Variants in KCND2 observed in about 807,000 individuals in gnomAD.
KCND2 encodes the protein potassium voltage-gated channel subfamily D member 2.
KCND2 carries 16 observed loss-of-function variants against 54.4 expected under a neutral mutation model. That is an observed-to-expected ratio of 0.29 (90% CI 0.20 to 0.45). The LOEUF is 0.45. Among genes scored for constraint, KCND2 ranks in the 20% least tolerant of loss-of-function variants. KCND2 has a pLI of 1.00. For synonymous variants in KCND2, 317 were observed against 310.7 expected (o/e 1.02, Z -0.21); for missense variants, 486 against 824.2 (o/e 0.59, Z 5.02).
intron 1 of KCND2, among the ~76,000 whole-genome samples, chr7:120,502,426 C>T (rs1802950386): frequency 6.6e-6 from 1 of 152,032 alleles, no homozygotes; most frequent in Admixed American, 6.6e-5. Flanking sequence ...AAGGCTCTAT[C>T]TTCCCTAGGT....
intron 1 of KCND2, among the ~76,000 whole-genome samples, chr7:120,573,976 A>G (rs1409901720): frequency 6.6e-6 from 1 of 152,186 alleles, no homozygotes; most frequent in East Asian, 1.9e-4. Flanking sequence ...ATACATGTAC[A>G]TCATTTTAAC....
intron 1 of KCND2, among the ~76,000 whole-genome samples, chr7:120,602,840 G>A (rs1792831758): frequency 6.6e-6 from 1 of 152,148 alleles, no homozygotes; most frequent in Admixed American, 6.6e-5. Context: ...TAGCAATAAA[G>A]ACTCACATAC....
At chr7:120,659,539 T>A (rs938200277) in intron 1 of KCND2, among the ~76,000 whole-genome samples, 26 of 152,228 alleles carry the variant, frequency 1.7e-4, no homozygotes, top group Non-Finnish European at 7.3e-5. Context: ...AATGCATGGT[T>A]ACCTCATACA....
intron 1 of KCND2, among the ~76,000 whole-genome samples, chr7:120,431,506 A>G (rs866102816): frequency 1.4e-4 from 21 of 152,316 alleles, no homozygotes; most frequent in Middle Eastern, 3.4e-3. Context: ...TGCTGAAAGC[A>G]GTGAGTTAAG....
intron 1 of KCND2, among the ~76,000 whole-genome samples, chr7:120,306,320 C>T (rs1366620056): frequency 1.3e-5 from 2 of 151,946 alleles, no homozygotes; most frequent in African/African-American, 4.8e-5. Context: ...CAAACTCAAC[C>T]TTGATTTTTT....
intron 1 of KCND2, among the ~76,000 whole-genome samples, chr7:120,565,265 A>G (rs1490934840): frequency 6.6e-6 from 1 of 152,202 alleles, no homozygotes; most frequent in Non-Finnish European, 1.5e-5. Context: ...CAAGGCATCT[A>G]ATGGCTGTGG....
At chr7:120,403,063 T>A (rs914403488) in intron 1 of KCND2, among the ~76,000 whole-genome samples, 3 of 152,196 alleles carry the variant, frequency 2.0e-5, no homozygotes, top group Non-Finnish European at 2.9e-5. Context: ...TGGCTTTCTC[T>A]CCTGCATTGT....
At chr7:120,477,342 G>A (rs1248985698) in intron 1 of KCND2, among the ~76,000 whole-genome samples, 4 of 152,106 alleles carry the variant, frequency 2.6e-5, no homozygotes, top group South Asian at 4.1e-4. Flanking sequence ...ATACCACTGC[G>A]GCACTGGATG....
chr7:120,648,232 A>C (rs535877413), intron 1 of KCND2, among the ~76,000 whole-genome samples: 1 of 152,264 alleles, frequency 6.6e-6, no homozygotes, highest in East Asian at 1.9e-4. Flanking sequence ...AAGATGATTA[A>C]GGAAAGGTAA....
In KCND2 at chr7:120,728,483, G is replaced by A. The variant is rs543932341; in HGVS notation, c.1116-4420G>A. ...ACATTGTATCTGTAGTAGAGATGGG[G>A]TTTCTCCATGTTGGTCAGGCTGGTC... On this transcript the variant is annotated intron_variant, in intron 1 of 5. Coordinates refer to ENST00000331113, the MANE Select transcript of KCND2 (RefSeq NM_012281.3). Among the ~76,000 whole-genome samples, 13 of 151,998 alleles carry A rather than the reference G, an allele frequency of 8.6e-5. No individual in the cohort carries two copies. In the South Asian group the frequency reaches 2.7e-3, roughly 32 times the overall value.
chr7:120,584,132 C>T (rs1792557472), intron 1 of KCND2, among the ~76,000 whole-genome samples: 2 of 152,204 alleles, frequency 1.3e-5, no homozygotes, highest in African/African-American at 2.4e-5. Flanking sequence ...TTGACAGAGA[C>T]ATATGGAGCT....
intron 1 of KCND2, among the ~76,000 whole-genome samples, chr7:120,600,836 G>T (rs1792805135): frequency 6.6e-6 from 1 of 151,898 alleles, no homozygotes; most frequent in South Asian, 2.1e-4. Context: ...ATGAATGTTT[G>T]TTAACTGAAC....
chr7:120,627,281 TCTA>T (rs1562891852), intron 1 of KCND2, among the ~76,000 whole-genome samples: 1 of 152,190 alleles, frequency 6.6e-6, no homozygotes, highest in Non-Finnish European at 1.5e-5. Context: ...ATATTAATAT[TCTA>T]CTTTCAATAT....
intron 1 of KCND2, among the ~76,000 whole-genome samples, chr7:120,517,614 A>C (rs535824185): frequency 3.3e-5 from 5 of 152,106 alleles, no homozygotes; most frequent in Non-Finnish European, 7.4e-5. Flanking sequence ...CCATCTCTTA[A>C]ATTTGTTATG....
chr7:120,287,069 T>C (rs1799356581), intron 1 of KCND2, among the ~76,000 whole-genome samples: 1 of 152,050 alleles, frequency 6.6e-6, no homozygotes, highest in Non-Finnish European at 1.5e-5. Flanking sequence ...GAGAATACTA[T>C]CTAATAGAAA....
chr7:120,302,255 T>C (rs1799594387), intron 1 of KCND2, among the ~76,000 whole-genome samples: 1 of 152,248 alleles, frequency 6.6e-6, no homozygotes, highest in African/African-American at 2.4e-5. Flanking sequence ...CTTTAAGATT[T>C]TTTGTTTGTT....
chr7:120,717,296 T>C lies in KCND2; in HGVS notation c.1116-15607T>C, dbSNP rs139187818. Among the ~76,000 whole-genome samples the C allele has an allele frequency of 4.4e-4, 67 of 152,218 alleles. 1 individual carries two copies. In the East Asian group the frequency reaches 0.012, roughly 28 times the overall value. The stretch of plus-strand genomic sequence containing the variant: ...AGGAGCAGACAATGTCAATGACTAC[T>C]GGGCAGGTAGCATATACAGTGTGGA... On this transcript the variant is annotated intron_variant, in intron 1 of 5. Transcript: ENST00000331113.
intron 1 of KCND2, among the ~76,000 whole-genome samples, chr7:120,674,209 CCTAA>C (rs1313784490): frequency 1.3e-5 from 2 of 151,948 alleles, no homozygotes; most frequent in African/African-American, 2.4e-5. Context: ...CAGCCACCTG[CCTAA>C]CTGTCATTCT....
chr7:120,704,133 A>G (rs1158175600), intron 1 of KCND2, among the ~76,000 whole-genome samples: 1 of 152,212 alleles, frequency 6.6e-6, no homozygotes, highest in African/African-American at 2.4e-5. Flanking sequence ...TCCTTCTAAT[A>G]GAATCTTGAG....
Sources: gnomAD v4.1 joint callset for allele counts (sites outside exome capture counted in the v4.1 genomes callset) on GRCh38, gnomAD v4.1.1 for gene constraint, MANE v1.5 for transcripts, NCBI Gene and HGNC (gene_info 2026-07-23, HGNC 2026-07-21) for gene names.